The following VWA8 variants were observed in gnomAD, a reference collection of about 807,000 sequenced individuals.
VWA8 encodes von Willebrand factor A domain-containing protein 8.
In VWA8, 221 loss-of-function variants were observed where a neutral mutation model predicts 241.5. The observed-to-expected ratio is 0.91, with a 90% CI of 0.82 to 1.02. The LOEUF is 1.02. Among genes scored for constraint, VWA8 ranks in the 50% least tolerant of loss-of-function variants. VWA8 has a pLI of 0.00. For missense variants in VWA8, 2,322 were observed against 2,328.7 expected (o/e 1.00, Z 0.06); for synonymous variants, 852 against 827.1 (o/e 1.03, Z -0.52).
intron 43 of VWA8, among the ~76,000 whole-genome samples, chr13:41,571,193 C>G (rs999970873): frequency 6.6e-6 from 1 of 152,120 alleles, no homozygotes; most frequent in Non-Finnish European, 1.5e-5. Flanking sequence ...ATGAATTACA[C>G]ATAAAATTGG....
intron 2 of VWA8, among the ~76,000 whole-genome samples, chr13:41,945,550 T>C (rs1877812966): frequency 6.6e-6 from 1 of 152,102 alleles, no homozygotes; most frequent in African/African-American, 2.4e-5. Flanking sequence ...GACAACAACG[T>C]CTCATGAAAC....
chr13:41,629,261 T>C (rs1458282453), intron 37 of VWA8, among the ~76,000 whole-genome samples: 2 of 152,096 alleles, frequency 1.3e-5, no homozygotes, highest in Non-Finnish European at 2.9e-5. Flanking sequence ...ACAAAATCAT[T>C]TGTACACCAA....
intron 39 of VWA8, 45 bp from the exon 40 acceptor site, chr13:41,605,321 T>TA: frequency 6.3e-7 from 1 of 1,589,634 alleles, no homozygotes. Flanking sequence ...AAATCACGTA[T>TA]ATGTGGGTTT....
intron 43 of VWA8, among the ~76,000 whole-genome samples, chr13:41,573,506 T>TATACAC (rs1439940851): frequency 7.1e-4 from 101 of 141,638 alleles, no homozygotes; most frequent in Middle Eastern, 3.7e-3. Context: ...TATATATATA[T>TATACAC]ACCTCTCTCT....
At chr13:41,576,229 C>T (rs1047593280) in intron 42 of VWA8, among the ~76,000 whole-genome samples, 1 of 152,158 alleles carries the variant, frequency 6.6e-6, no homozygotes, top group African/African-American at 2.4e-5. Context: ...AAGGTGAGGC[C>T]ACAGCTTATT....
At chr13:41,733,191 T>C (rs776763903) in intron 21 of VWA8, among the ~76,000 whole-genome samples, 5 of 152,210 alleles carry the variant, frequency 3.3e-5, no homozygotes, top group Admixed American at 6.5e-5. Flanking sequence ...TCTATTAAAA[T>C]TGTAAAATGT....
chr13:41,752,198 G>A (rs1423027126), intron 21 of VWA8, among the ~76,000 whole-genome samples: 1 of 152,060 alleles, frequency 6.6e-6, no homozygotes, highest in Non-Finnish European at 1.5e-5. Flanking sequence ...TGTGATTCAA[G>A]TCCTGCCTGT....
intron 40 of VWA8, among the ~76,000 whole-genome samples, chr13:41,598,889 CTT>C (rs1205504563): frequency 6.6e-6 from 1 of 151,152 alleles, no homozygotes; most frequent in East Asian, 1.9e-4. Flanking sequence ...GTGCTTCTCT[CTT>C]TGTTAATTTT....
At chr13:41,870,800 T>C (rs183328878) in intron 9 of VWA8, among the ~76,000 whole-genome samples, 1 of 152,150 alleles carries the variant, frequency 6.6e-6, no homozygotes, top group Non-Finnish European at 1.5e-5. Context: ...ATAAACACTA[T>C]GTCCTGAGCC....
Position 41,761,185 on chromosome 13 carries a change from A to C in VWA8, c.2369T>G (p.Ile790Ser), listed in dbSNP as rs769329444. 4 of 1,611,740 alleles carry C rather than the reference A, an allele frequency of 2.5e-6. No individual in the cohort carries two copies. The South Asian group carries it at 4.4e-5, about 18-fold the overall frequency. ...GAGCAGGTGAAGGAATCTGTCAACA[A>C]TCTTGTTTTTTCCTACACCCTGTAA... ...VGNQGVGKNK[I>S]VDRFLHLLNR... The change falls in exon 21 of 45, where the codon ATT becomes AGT. Residue 790 changes from isoleucine to serine, a missense_variant. Ile to Ser is a moderately radical substitution (Grantham distance 142, BLOSUM62 -2). Transcript: ENST00000379310.
At chr13:41,571,498 G>A (rs981587016) in intron 43 of VWA8, among the ~76,000 whole-genome samples, 4 of 152,116 alleles carry the variant, frequency 2.6e-5, no homozygotes, top group Non-Finnish European at 4.4e-5. Flanking sequence ...GCAGGTGCCC[G>A]CCGCCACACC....
At chr13:41,614,587 A>T (rs538495443) in intron 38 of VWA8, among the ~76,000 whole-genome samples, 2 of 152,244 alleles carry the variant, frequency 1.3e-5, no homozygotes, top group East Asian at 1.9e-4. Flanking sequence ...TCCCAAGGTC[A>T]TGGAATTTAA....
chr13:41,636,863 A>G (rs1225612352), intron 37 of VWA8, among the ~76,000 whole-genome samples: 2 of 152,152 alleles, frequency 1.3e-5, no homozygotes, highest in African/African-American at 4.8e-5. Flanking sequence ...AACCACAATG[A>G]GATACCATCT....
intron 20 of VWA8, among the ~76,000 whole-genome samples, chr13:41,768,665 T>G (rs2045796309): frequency 6.6e-6 from 1 of 152,150 alleles, no homozygotes; most frequent in Admixed American, 6.5e-5. Flanking sequence ...ATCAAGAAAT[T>G]AAATTGGCCC....
intron 24 of VWA8, among the ~76,000 whole-genome samples, chr13:41,722,821 T>C (rs1428361758): frequency 1.3e-5 from 2 of 151,974 alleles, no homozygotes; most frequent in East Asian, 3.9e-4. Flanking sequence ...ACCTGGCATA[T>C]GGAAGGAAGA....
Position 41,701,537 on chromosome 13 carries a change from T to C in VWA8, c.3226-7A>G, listed in dbSNP as rs544982219. ...TATTTATAAGTGCTGGACCCTATAATAAAGCAGTTATCTCAGTTAAGATAT... is the reference window on the plus strand; with the variant it reads ...TATTTATAAGTGCTGGACCCTATAACAAAGCAGTTATCTCAGTTAAGATAT... On this transcript the variant is annotated splice_polypyrimidine_tract_variant and splice_region_variant and intron_variant, in intron 27 of 44. Coordinates refer to ENST00000379310, the MANE Select transcript of VWA8 (RefSeq NM_015058.2). The C allele has an allele frequency of 6.5e-7, 1 of 1,542,046 alleles. No homozygotes were observed. Among genetic ancestry groups the C allele is most frequent in the South Asian group, 1.3e-5 (1 of 78,902 alleles).
chr13:41,800,889 C>A (rs990292052), intron 17 of VWA8, among the ~76,000 whole-genome samples: 2 of 151,428 alleles, frequency 1.3e-5, no homozygotes, highest in African/African-American at 2.4e-5. Context: ...AAAATTATTT[C>A]TTGTCAATAT....
chr13:41,641,820 G>A (rs2044797070), intron 37 of VWA8, among the ~76,000 whole-genome samples: 1 of 151,702 alleles, frequency 6.6e-6, no homozygotes. Flanking sequence ...AAAACAGTAT[G>A]TGGGAGAAGT....
At chr13:41,614,871 G>A (rs1247587634) in intron 38 of VWA8, 105 bp downstream of exon 38, 1 of 1,118,112 alleles carries the variant, frequency 8.9e-7, no homozygotes, top group Non-Finnish European at 1.3e-6. Flanking sequence ...GAGGGAGGCT[G>A]AGAAGGAAAG....
Sources: gnomAD v4.1 joint callset for allele counts (sites outside exome capture counted in the v4.1 genomes callset) on GRCh38, gnomAD v4.1.1 for gene constraint, MANE v1.5 for transcripts, NCBI Gene and HGNC (gene_info 2026-07-23, HGNC 2026-07-21) for gene names.